Variants in ABHD2 observed in about 807,000 individuals in gnomAD.
ABHD2 encodes the protein abhydrolase domain containing 2, acylglycerol lipase.
Under a neutral mutation model 48.1 loss-of-function variants are expected in ABHD2, and 20 were observed. That is an observed-to-expected ratio of 0.42 (90% CI 0.29 to 0.60). The LOEUF is 0.60. ABHD2 is among the 20% of genes least tolerant of loss of function. The pLI is 0.24. For synonymous variants in ABHD2, 209 were observed against 214.2 expected, an observed-to-expected ratio of 0.98 and a Z score of 0.21; for missense variants, 405 against 550.9, an observed-to-expected ratio of 0.74 and a Z score of 2.65.
Position 89,114,383 on chromosome 15 carries a change from T to C in ABHD2, c.-7+559T>C, listed in dbSNP as rs1451772109. Among the ~76,000 whole-genome samples the C allele has an allele frequency of 6.6e-6, 1 of 152,184 alleles. No individual in the cohort carries two copies. The highest frequency in any genetic ancestry group is 2.4e-5 in the African/African-American group (1 of 41,448). On this transcript the variant is annotated intron_variant, in intron 2 of 10. Transcript: ENST00000352732. This position sits in a 1 kb window ranked among gnomAD's most constrained non-coding sequence, Gnocchi z 4.2. ...CACAGGGAACCCACAGACCCCAAGT[T>C]AAGGATCCTTGTTTTAGGGGTTTAT...
At chr15:89,073,267 C>G in the ABHD2 span, among the ~76,000 whole-genome samples, 11 of 152,122 alleles carry the variant, frequency 7.2e-5, no homozygotes, top group Non-Finnish European at 1.3e-4. Context: ...GAGCTCAGAC[C>G]TGATTAGCTA....
intron 1 of ABHD2, among the ~76,000 whole-genome samples, chr15:89,089,739 C>A (rs552457468): frequency 6.6e-6 from 1 of 152,350 alleles, no homozygotes; most frequent in South Asian, 2.1e-4. Flanking sequence ...CTTCACTACC[C>A]TCTGTCATTT....
Position 89,149,646 on chromosome 15 carries a change from G to T in ABHD2, c.195-2031G>T, listed in dbSNP as rs7166276. On this transcript the variant is annotated intron_variant, in intron 3 of 10. Coordinates refer to ENST00000352732, the MANE Select transcript of ABHD2 (RefSeq NM_152924.5). ...GTGAGTCTTGAAAGACAAGTAGTAG[G>T]TGGCCCAAAGAAACGCTGGGTGTGA... Among the ~76,000 whole-genome samples, 5 of 152,222 alleles carry T rather than the reference G, an allele frequency of 3.3e-5. No individual in the cohort carries two copies. The East Asian group carries it at 9.7e-4, about 29-fold the overall frequency.
chr15:89,069,302 A>G, the ABHD2 span, among the ~76,000 whole-genome samples: 1 of 151,530 alleles, frequency 6.6e-6, no homozygotes. Context: ...TAATTAAGTA[A>G]ATTTTTTTAA....
upstream of ABHD2, among the ~76,000 whole-genome samples, chr15:89,086,028 A>G (rs1901338611): frequency 1.3e-5 from 2 of 151,890 alleles, no homozygotes; most frequent in Admixed American, 1.3e-4. Flanking sequence ...CTAGTGACAA[A>G]TCTTTTTTGT....
Position 89,201,255 on chromosome 15 carries a change from G to T in ABHD2, c.*5832G>T. 1 of 1,236,672 alleles carries T rather than the reference G, an allele frequency of 8.1e-7. No homozygotes were observed. Among genetic ancestry groups the T allele is most frequent in the Non-Finnish European group, 1.2e-6 (1 of 853,480 alleles). 76.6% of individuals were successfully genotyped at this position (1,236,672 alleles called of 1,614,324 possible). ...CTCAGGTGTTGATTTGCTTCTGATA[G>T]CTTCATCATTTCTCCCTGAAGTCTT... On this transcript the variant is annotated 3_prime_UTR_variant, in exon 11 of 11. Coordinates refer to ENST00000352732, the MANE Select transcript of ABHD2 (RefSeq NM_152924.5).
chr15:89,156,955 A>G (rs1237002335), intron 5 of ABHD2, among the ~76,000 whole-genome samples: 3 of 152,200 alleles, frequency 2.0e-5, no homozygotes, highest in East Asian at 1.9e-4. Context: ...ATAATTTTCT[A>G]TTTCTTCCAA....
chr15:89,089,310 G>A (rs1901498647), intron 1 of ABHD2, among the ~76,000 whole-genome samples: 1 of 152,210 alleles, frequency 6.6e-6, no homozygotes, highest in African/African-American at 2.4e-5. Flanking sequence ...TGCACTCTAA[G>A]TGGCCTTTGA....
chr15:89,182,646 A>T lies in ABHD2; in HGVS notation c.723-2778A>T, dbSNP rs990084485. 6.6e-6 allele frequency among the ~76,000 whole-genome samples: 1 copy of T among 152,060 alleles called. No homozygotes were observed. The highest frequency in any genetic ancestry group is 1.5e-5 in the Non-Finnish European group (1 of 68,008). Reference sequence around the variant, plus strand: ...TTCTACTAAAAAAATACAAAAAATTATCTGGGCATGATGGCACACACCTGT... The same window carrying T: ...TTCTACTAAAAAAATACAAAAAATTTTCTGGGCATGATGGCACACACCTGT... On this transcript the variant is annotated intron_variant, in intron 6 of 10. Transcript: ENST00000352732. This position sits in a 1 kb window ranked among gnomAD's most constrained non-coding sequence, Gnocchi z 4.8.
intron 3 of ABHD2, among the ~76,000 whole-genome samples, chr15:89,148,860 A>G (rs949150174): frequency 2.0e-5 from 3 of 152,226 alleles, no homozygotes; most frequent in African/African-American, 4.8e-5. Flanking sequence ...TTTCTTCAGT[A>G]TTTATATGTT....
rs1050480903 is a variant in ABHD2, at chr15:89,198,864, T to G, written c.*3441T>G. 1.3e-5 allele frequency: 2 copies of G among 152,256 alleles called. No homozygotes were observed. The highest frequency in any genetic ancestry group is 4.8e-5 in the African/African-American group (2 of 41,454). The allele number at this position is 152,256 out of a possible 1,614,324, so 9.4% of individuals were successfully genotyped here. A position where few individuals can be genotyped will look rare whatever the true frequency, so the allele number is the denominator to read the frequency against. On this transcript the variant is annotated 3_prime_UTR_variant, in exon 11 of 11. Coordinates refer to ENST00000352732, the MANE Select transcript of ABHD2 (RefSeq NM_152924.5). The surrounding 1 kb of genome is among the most constrained non-coding windows in gnomAD (Gnocchi z 5.1). Reference sequence around the variant, plus strand: ...ATTAAGCTTTCCTGGTGAAGACCCTTGATCTTGTCCAAAGCCCTGTGTCTT... The same window carrying G: ...ATTAAGCTTTCCTGGTGAAGACCCTGGATCTTGTCCAAAGCCCTGTGTCTT...
At chr15:89,059,466 A>G in the ABHD2 span, among the ~76,000 whole-genome samples, 251 of 152,312 alleles carry the variant, frequency 1.6e-3, 2 homozygotes, top group African/African-American at 5.5e-3. Context: ...TAGGTTGATC[A>G]TTGGTCACAA....
At chr15:89,158,512 G>C (rs775208766) in intron 5 of ABHD2, among the ~76,000 whole-genome samples, 1 of 152,166 alleles carries the variant, frequency 6.6e-6, no homozygotes, top group African/African-American at 2.4e-5. Context: ...GAGTACCTGG[G>C]TCAGGAGACA....
In ABHD2 at chr15:89,201,542, C is replaced by T. The variant is rs960172778; in HGVS notation, c.*6119C>T. 3.1e-6 allele frequency: 5 copies of T among 1,594,702 alleles called. No homozygotes were observed. Among genetic ancestry groups the T allele is most frequent in the South Asian group, 1.1e-5 (1 of 90,618 alleles). ...TAAACTTGTGTTTACTCTTTTCATT[C>T]GGATCATAGTCAAAGGGCTGTAGCA... On this transcript the variant is annotated 3_prime_UTR_variant, in exon 11 of 11. Coordinates refer to ENST00000352732, the MANE Select transcript of ABHD2 (RefSeq NM_152924.5).
chr15:89,054,770 C>T, the ABHD2 span, among the ~76,000 whole-genome samples: 4 of 151,894 alleles, frequency 2.6e-5, no homozygotes, highest in Non-Finnish European at 4.4e-5. Context: ...TTCTCAAAGT[C>T]TTTTATTCTC....
the ABHD2 span, among the ~76,000 whole-genome samples, chr15:89,047,413 C>A: frequency 0.018 from 2,704 of 152,138 alleles, 75 homozygotes; most frequent in African/African-American, 0.06. Context: ...TCTATTAGGT[C>A]CAGTTGGTGC....
chr15:89,190,261 C>G (rs1170162139), intron 8 of ABHD2, among the ~76,000 whole-genome samples: 3 of 152,168 alleles, frequency 2.0e-5, no homozygotes, highest in East Asian at 1.9e-4. Flanking sequence ...CTCCTGGTGT[C>G]GGAGCTCCAG....
chr15:89,170,080 C>CTTT (rs748983183), intron 5 of ABHD2, among the ~76,000 whole-genome samples: 2,474 of 37,496 alleles, frequency 0.066, 873 homozygotes, highest in East Asian at 0.16. Context: ...AGATCAGATT[C>CTTT]TTTTTTTTTT....
chr15:89,094,275 T>C lies in ABHD2; in HGVS notation c.-107+5712T>C, dbSNP rs1452847840. The C allele has an allele frequency of 1.3e-5, 2 of 152,214 alleles. No homozygotes were observed. The highest frequency in any genetic ancestry group is 2.9e-5 in the Non-Finnish European group (2 of 68,042). The allele number at this position is 152,214 out of a possible 1,614,324, so 9.4% of individuals were successfully genotyped here. A position where few individuals can be genotyped will look rare whatever the true frequency, so the allele number is the denominator to read the frequency against. On this transcript the variant is annotated intron_variant, in intron 1 of 10. Coordinates refer to ENST00000352732, the MANE Select transcript of ABHD2 (RefSeq NM_152924.5). The surrounding 1 kb of genome is among the most constrained non-coding windows in gnomAD (Gnocchi z 4.7). Reference sequence around the variant, plus strand: ...ATTTTATCTTGGATAAAAGAGAAGCTTTGAAAGATTGCCTCCCTATGTGTA... The same window carrying C: ...ATTTTATCTTGGATAAAAGAGAAGCCTTGAAAGATTGCCTCCCTATGTGTA...
Sources: gnomAD v4.1 joint callset for allele counts (sites outside exome capture counted in the v4.1 genomes callset) on GRCh38, gnomAD v4.1.1 for gene constraint, Gnocchi (gnomAD v3.1) non-coding constraint, MANE v1.5 for transcripts, NCBI Gene and HGNC (gene_info 2026-07-23, HGNC 2026-07-21) for gene names.